Variants in PPP6R3 observed in about 807,000 individuals in gnomAD.
The protein encoded by PPP6R3 is serine/threonine-protein phosphatase 6 regulatory subunit 3.
Under a neutral mutation model 110.7 loss-of-function variants are expected in PPP6R3, and 38 were observed. The observed-to-expected ratio is 0.34, with a 90% confidence interval of 0.26 to 0.45. The LOEUF (loss-of-function observed/expected upper bound fraction) is 0.45. Ranked by LOEUF, PPP6R3 falls within the 20% of genes least tolerant of loss-of-function variation. The pLI, the probability that PPP6R3 is intolerant of heterozygous loss-of-function variation, is 1.00. For synonymous variants in PPP6R3, 369 were observed against 373.5 expected (o/e 0.99, Z 0.14); for missense variants, 870 against 1,062.4 (o/e 0.82, Z 2.52).
At chr11:68,570,015 T>G in intron 11 of PPP6R3, 118 bp downstream of exon 11, 1 of 938,224 alleles carries the variant, frequency 1.1e-6, no homozygotes, top group Non-Finnish European at 1.5e-6. Flanking sequence ...AGTCTAAATA[T>G]TTGACAATCA....
In PPP6R3 at chr11:68,596,174, G is replaced by A. The variant is rs1440924328; in HGVS notation, c.1994G>A (p.Ser665Asn). 1 of 1,614,222 alleles carries A rather than the reference G, an allele frequency of 6.2e-7. No individual in the cohort carries two copies. The highest frequency in any genetic ancestry group is 1.7e-5 in the Admixed American group (1 of 60,028). ...GCAAAGCAAGACTTGTTTGAACCCA[G>A]CAGTGCCAACACGGAGGATAAAATG... ...DGAKQDLFEP[S>N]SANTEDKMEV... The change falls in exon 19 of 24, where the codon AGC (serine) becomes AAC (asparagine). Residue 665 changes from serine to asparagine, a missense_variant. By Grantham distance (46) the Ser-to-Asn change is conservative (BLOSUM62 1). Transcript: ENST00000393800.
At chr11:68,535,799 T>TAAA (rs1269536453) in intron 2 of PPP6R3, among the ~76,000 whole-genome samples, 7 of 78,364 alleles carry the variant, frequency 8.9e-5, no homozygotes, top group African/African-American at 1.9e-4. Flanking sequence ...CCGTCTCTAC[T>TAAA]AAAAAAAAAA....
At position 68,519,665 on chromosome 11, in the gene PPP6R3, G is replaced by A. The variant is rs909784138; in HGVS notation, c.-7+14G>A. ...TTGGTTTGAAAGGTAAGACCATTAC[G>A]ATTAGCAGGAGTTTCCTTCCATTAA... On this transcript the variant is annotated intron_variant, in intron 2 of 23. Coordinates refer to ENST00000393800, the MANE Select transcript of PPP6R3 (RefSeq NM_001164161.2). The A allele has an allele frequency of 1.0e-5, 4 of 398,350 alleles. No individual in the cohort carries two copies. Among genetic ancestry groups the A allele is most frequent in the African/African-American group, 2.1e-5 (1 of 48,600 alleles). 24.7% of individuals were successfully genotyped at this position (398,350 alleles called of 1,614,324 possible). A position where few individuals can be genotyped will look rare whatever the true frequency, so the allele number is the denominator to read the frequency against.
At chr11:68,562,273 G>A (rs1296518207) in intron 8 of PPP6R3, among the ~76,000 whole-genome samples, 1 of 152,150 alleles carries the variant, frequency 6.6e-6, no homozygotes, top group South Asian at 2.1e-4. Flanking sequence ...CAAAACTATA[G>A]AATATTGATG....
In PPP6R3 at chr11:68,477,741, A is replaced by ATATATATAT. The variant is rs1555021448; in HGVS notation, c.-158+16914_-158+16915insTATATATAT. ...GACATTGTCTCTTAAAAAAAAAAAA[A>ATATATATAT]ATATATATATATATATATATATATA... On this transcript the variant is annotated intron_variant, in intron 1 of 23. Coordinates refer to ENST00000393800, the MANE Select transcript of PPP6R3 (RefSeq NM_001164161.2). 3.8e-3 allele frequency among the ~76,000 whole-genome samples: 220 copies of ATATATATAT among 57,870 alleles called. 1 individual carries two copies. Among genetic ancestry groups the ATATATATAT allele is most frequent in the Non-Finnish European group, 5.2e-3 (156 of 30,042 alleles). 38.0% of individuals were successfully genotyped at this position (57,870 alleles called of 152,430 possible). A position where few individuals can be genotyped will look rare whatever the true frequency, so the allele number is the denominator to read the frequency against.
intron 2 of PPP6R3, among the ~76,000 whole-genome samples, chr11:68,529,791 G>A (rs2099226445): frequency 6.6e-6 from 1 of 152,152 alleles, no homozygotes; most frequent in Non-Finnish European, 1.5e-5. Context: ...TTAAAAAAGA[G>A]GAAAAACATG....
chr11:68,527,456 C>T (rs1168235783), intron 2 of PPP6R3, among the ~76,000 whole-genome samples: 1 of 152,180 alleles, frequency 6.6e-6, no homozygotes, highest in African/African-American at 2.4e-5. Context: ...CCCCTTCTTT[C>T]CTGTCCCATA....
intron 13 of PPP6R3, 136 bp from the exon 14 acceptor site, chr11:68,575,822 G>T: frequency 1.7e-6 from 1 of 597,498 alleles, no homozygotes; most frequent in Non-Finnish European, 3.0e-6. Flanking sequence ...CTGTCACCCA[G>T]TTTCTCAGCT....
chr11:68,613,277 G>A lies in PPP6R3; in HGVS notation c.*160G>A. On this transcript the variant is annotated 3_prime_UTR_variant, in exon 24 of 24. Transcript: ENST00000393800. ...ATTCTAGATTCTAAGACATTGTACA[G>A]AGAAATTCAGAAGTGTAAAAATATT... 7.3e-7 allele frequency: 1 copy of A among 1,371,800 alleles called. No individual in the cohort carries two copies. The highest frequency in any genetic ancestry group is 9.4e-7 in the Non-Finnish European group (1 of 1,065,072). The allele number at this position is 1,371,800 out of a possible 1,614,324, so 85.0% of individuals were successfully genotyped here. A position where few individuals can be genotyped will look rare whatever the true frequency, so the allele number is the denominator to read the frequency against.
chr11:68,504,177 A>G (rs956534337), intron 1 of PPP6R3, among the ~76,000 whole-genome samples: 3 of 152,336 alleles, frequency 2.0e-5, no homozygotes, highest in South Asian at 4.1e-4. Context: ...AGGAATGTCT[A>G]TATCAGGTAA....
chr11:68,567,300 A>T, intron 10 of PPP6R3, 134 bp downstream of exon 10: 1 of 989,300 alleles, frequency 1.0e-6, no homozygotes, highest in Non-Finnish European at 1.4e-6. Flanking sequence ...TGTTTTATGT[A>T]GTTTTTGCCT....
chr11:68,605,709 CAGG>C (rs1470232573), intron 22 of PPP6R3, among the ~76,000 whole-genome samples: 1 of 152,094 alleles, frequency 6.6e-6, no homozygotes, highest in Non-Finnish European at 1.5e-5. Context: ...AACCAGTAGC[CAGG>C]ATATTAGAAA....
In PPP6R3 at chr11:68,537,869, A is replaced by G. The variant is rs558792800; in HGVS notation, c.205A>G (p.Met69Val). The G allele has an allele frequency of 2.5e-6, 4 of 1,610,994 alleles. No homozygotes were observed. Among genetic ancestry groups the G allele is most frequent in the South Asian group, 1.1e-5 (1 of 90,932 alleles). Residue 69 changes from methionine (M) to valine (V), a missense_variant, in exon 3 of 24, where the codon ATG (methionine) becomes GTG (valine). By Grantham distance (21) the Met-to-Val change is conservative (BLOSUM62 1). Transcript: ENST00000393800. ...CATTATAGAAGAACCACCTCAAGAC[A>G]TGGATGAAAAGATCAGATACAAGTA... is the stretch of plus-strand genomic sequence containing the variant. ...SFIIEEPPQD[M>V]DEKIRYKYPN...
chr11:68,517,834 A>G (rs2099144548), intron 1 of PPP6R3, among the ~76,000 whole-genome samples: 1 of 152,018 alleles, frequency 6.6e-6, no homozygotes, highest in African/African-American at 2.4e-5. Flanking sequence ...GCTACTCAGG[A>G]GGCTGAGGCA....
chr11:68,537,672 G>T lies in PPP6R3; in HGVS notation c.8G>T (p.Trp3Leu). The T allele has an allele frequency of 6.3e-7, 1 of 1,583,648 alleles. No individual in the cohort carries two copies. Among genetic ancestry groups the T allele is most frequent in the Non-Finnish European group, 8.6e-7 (1 of 1,162,550 alleles). Residue 3 changes from tryptophan (W) to leucine (L), a missense_variant, in exon 3 of 24, where the codon TGG (tryptophan) becomes TTG (leucine). Transcript: ENST00000393800. The stretch of plus-strand genomic sequence containing the variant: ...CATTTTGTTTAGACCAGCATGTTTT[G>T]GAAATTTGATCTTCACTCATCATCC... MF[W>L]KFDLHSSSHI...
chr11:68,492,006 T>C (rs997332028), intron 1 of PPP6R3, among the ~76,000 whole-genome samples: 17 of 152,230 alleles, frequency 1.1e-4, no homozygotes, highest in African/African-American at 4.1e-4. Flanking sequence ...GCCCAGACCC[T>C]GGCAACTGCC....
intron 2 of PPP6R3, among the ~76,000 whole-genome samples, chr11:68,524,290 A>G (rs2099184032): frequency 6.6e-6 from 1 of 152,134 alleles, no homozygotes. Context: ...TTCTCTTCTA[A>G]GCTTTTAAAT....
rs550492907 is a variant in PPP6R3 at position 68,479,030 on chromosome 11, G to A, written c.-158+18203G>A. Among the ~76,000 whole-genome samples the A allele has an allele frequency of 5.6e-4, 85 of 152,252 alleles. 1 individual carries two copies. Among genetic ancestry groups the A allele is most frequent in the South Asian group, 1.0e-3 (5 of 4,822 alleles). ...ATACATTGAACCATCAGAAAGCAAAGGTGTCACCATCTCAGCCATCCATGT... is the reference window on the plus strand; with the variant it reads ...ATACATTGAACCATCAGAAAGCAAAAGTGTCACCATCTCAGCCATCCATGT... On this transcript the variant is annotated intron_variant, in intron 1 of 23. Transcript: ENST00000393800.
At chr11:68,538,379 G>A (rs1197624628) in intron 3 of PPP6R3, among the ~76,000 whole-genome samples, 4 of 152,118 alleles carry the variant, frequency 2.6e-5, no homozygotes, top group Non-Finnish European at 5.9e-5. Context: ...CAAAGAGAAC[G>A]ACAGTACAGT....
Sources: gnomAD v4.1 joint callset for allele counts (sites outside exome capture counted in the v4.1 genomes callset) on GRCh38, gnomAD v4.1.1 for gene constraint, MANE v1.5 for transcripts, NCBI Gene and HGNC (gene_info 2026-07-23, HGNC 2026-07-21) for gene names.